The following VDR variants were observed in gnomAD, a reference collection of about 807,000 sequenced individuals.
VDR encodes the protein vitamin D receptor, also known as vitamin D3 receptor.
In VDR, 19 loss-of-function variants were observed where a neutral mutation model predicts 39.7. The observed-to-expected ratio is 0.48, with a 90% CI of 0.33 to 0.70. VDR has a LOEUF of 0.70. VDR is among the 30% of genes least tolerant of loss of function. The probability of loss-of-function intolerance (pLI) is 0.02; values close to 1 mark genes in which losing one functional copy is unlikely to be tolerated. For missense variants in VDR, 442 were observed against 570.5 expected (o/e 0.77, Z 2.29); for synonymous variants, 242 against 215.8 (o/e 1.12, Z -1.07).
At chr12:47,880,872 T>C (rs1365426558) in intron 2 of VDR, among the ~76,000 whole-genome samples, 1 of 147,120 alleles carries the variant, frequency 6.8e-6, no homozygotes, top group East Asian at 1.9e-4. Context: ...ATATATATTA[T>C]ATATTAATAT....
chr12:47,881,915 C>T (rs1232567415), intron 2 of VDR, among the ~76,000 whole-genome samples: 1 of 152,164 alleles, frequency 6.6e-6, no homozygotes, highest in Non-Finnish European at 1.5e-5. Context: ...GATGCTGCAG[C>T]TCCGAGTCAT....
chr12:47,847,916 T>C (rs1368332254), intron 7 of VDR, among the ~76,000 whole-genome samples: 1 of 152,174 alleles, frequency 6.6e-6, no homozygotes, highest in Non-Finnish European at 1.5e-5. Flanking sequence ...CTAATTTTTT[T>C]TGAGACGGAG....
chr12:47,878,779 C>G, intron 3 of VDR, 189 bp downstream of exon 3: 1 of 897,654 alleles, frequency 1.1e-6, no homozygotes, highest in Non-Finnish European at 1.8e-6. Flanking sequence ...AGAGGAACAT[C>G]TGGAGCTGAG....
intron 3 of VDR, chr12:47,878,731 C>T: frequency 1.5e-6 from 1 of 671,624 alleles, no homozygotes; most frequent in Non-Finnish European, 2.6e-6. Context: ...GACAGAGACC[C>T]ACACAGCAAC....
At chr12:47,871,071 G>C (rs1945845216) in intron 3 of VDR, among the ~76,000 whole-genome samples, 1 of 152,152 alleles carries the variant, frequency 6.6e-6, no homozygotes, top group Non-Finnish European at 1.5e-5. Flanking sequence ...CTGTAGAAAA[G>C]AGCACAGACT....
chr12:47,855,421 G>T (rs1267800560), intron 7 of VDR, among the ~76,000 whole-genome samples: 1 of 152,182 alleles, frequency 6.6e-6, no homozygotes, highest in Non-Finnish European at 1.5e-5. Context: ...TTGGGAGGTT[G>T]AGGCAGGAGA....
At chr12:47,862,150 TA>T (rs769323396) in intron 4 of VDR, among the ~76,000 whole-genome samples, 5 of 152,330 alleles carry the variant, frequency 3.3e-5, no homozygotes, top group East Asian at 1.9e-4. Context: ...GCAGGACAGG[TA>T]ATAGTATAAG....
Position 47,857,181 on chromosome 12 carries a change from G to T in VDR, c.531C>A (p.Ser177Arg). 1 of 1,614,172 alleles carries T rather than the reference G, an allele frequency of 6.2e-7. No individual in the cohort carries two copies. Among genetic ancestry groups the T allele is most frequent in the Non-Finnish European group, 8.5e-7 (1 of 1,180,004 alleles). ...AGGAGGAGGAGGAGTCCCCAGAGAAGCTGGGAGTGTGTCTGGAGTTGGGCC... is the reference window on the plus strand; with the variant it reads ...AGGAGGAGGAGGAGTCCCCAGAGAATCTGGGAGTGTGTCTGGAGTTGGGCC... ...PSRPNSRHTPSFSGDSSSSCS... is the reference protein window; with the variant it reads ...PSRPNSRHTPRFSGDSSSSCS... Residue 177 changes from serine (S) to arginine (R), a missense_variant, in exon 6 of 10, where the codon AGC becomes AGA. Ser to Arg is a moderately radical substitution (Grantham distance 110). Transcript: ENST00000549336.
chr12:47,903,833 C>T (rs1461431669), intron 1 of VDR, among the ~76,000 whole-genome samples: 1 of 152,202 alleles, frequency 6.6e-6, no homozygotes, highest in East Asian at 1.9e-4. Flanking sequence ...ATCATAAAGC[C>T]ACTATCCCTT....
chr12:47,882,248 T>A (rs1222034157), intron 2 of VDR, among the ~76,000 whole-genome samples: 2 of 152,044 alleles, frequency 1.3e-5, no homozygotes, highest in Non-Finnish European at 2.9e-5. Context: ...TCAGGGGAGC[T>A]GACAGAAGAC....
At chr12:47,883,670 G>C (rs954000789) in intron 1 of VDR, among the ~76,000 whole-genome samples, 12 of 152,146 alleles carry the variant, frequency 7.9e-5, no homozygotes, top group African/African-American at 2.4e-4. Context: ...CTTCTCTGAT[G>C]CCAACAGGAG....
intron 3 of VDR, among the ~76,000 whole-genome samples, chr12:47,876,909 G>A (rs933862059): frequency 3.9e-5 from 6 of 152,216 alleles, no homozygotes; most frequent in Admixed American, 3.3e-4. Context: ...ATTTCCCAGA[G>A]CTGAATCTCA....
chr12:47,897,460 GC>G (rs1299744237), intron 1 of VDR, among the ~76,000 whole-genome samples: 1 of 152,214 alleles, frequency 6.6e-6, no homozygotes, highest in East Asian at 1.9e-4. Context: ...AGAAGCACCT[GC>G]CTGCCCGGAG....
intron 4 of VDR, among the ~76,000 whole-genome samples, chr12:47,862,828 C>A (rs1336951574): frequency 1.3e-5 from 2 of 152,230 alleles, no homozygotes; most frequent in African/African-American, 4.8e-5. Context: ...GCTGGACTAA[C>A]CTGAGGCTGG....
intron 1 of VDR, among the ~76,000 whole-genome samples, chr12:47,885,871 T>C (rs927489794): frequency 6.6e-6 from 1 of 152,142 alleles, no homozygotes; most frequent in African/African-American, 2.4e-5. Flanking sequence ...AGACCTTAAA[T>C]GAGATGAAGC....
intron 2 of VDR, 118 bp downstream of exon 2, chr12:47,882,576 A>C: frequency 1.1e-6 from 1 of 894,616 alleles, no homozygotes; most frequent in Non-Finnish European, 1.7e-6. Flanking sequence ...CCACCTTGCA[A>C]AATCCTGGGT....
intron 3 of VDR, among the ~76,000 whole-genome samples, chr12:47,875,751 A>C (rs1488379357): frequency 6.6e-6 from 1 of 152,250 alleles, no homozygotes; most frequent in African/African-American, 2.4e-5. Context: ...GGTTTCTGCA[A>C]GCCTCTGGTC....
chr12:47,888,739 T>G (rs1010896338), intron 1 of VDR, among the ~76,000 whole-genome samples: 6 of 152,054 alleles, frequency 3.9e-5, no homozygotes, highest in Non-Finnish European at 7.4e-5. Context: ...CCATGGGTAT[T>G]TAGAGGCTGG....
intron 7 of VDR, among the ~76,000 whole-genome samples, chr12:47,848,449 C>T (rs1233862391): frequency 1.3e-5 from 2 of 151,186 alleles, no homozygotes; most frequent in Non-Finnish European, 2.9e-5. Context: ...CCTTCTGACT[C>T]TTTAGCACAG....
Sources: gnomAD v4.1 joint callset for allele counts (sites outside exome capture counted in the v4.1 genomes callset) on GRCh38, gnomAD v4.1.1 for gene constraint, MANE v1.5 for transcripts, NCBI Gene and HGNC (gene_info 2026-07-23, HGNC 2026-07-21) for gene names.